The following ATXN3 variants were observed in gnomAD, a reference collection of about 807,000 sequenced individuals.
The protein encoded by ATXN3 is ataxin 3, also known as ataxin-3.
Under a neutral mutation model 58.2 loss-of-function variants are expected in ATXN3, and 28 were observed. The observed-to-expected ratio is 0.48, with a 90% CI of 0.36 to 0.66. ATXN3 has a LOEUF of 0.66. Ranked by LOEUF, ATXN3 falls within the 30% of genes least tolerant of loss-of-function variation. The pLI, the probability that ATXN3 is intolerant of heterozygous loss-of-function variation, is 0.00. For synonymous variants in ATXN3, 113 were observed against 138.5 expected, an observed-to-expected ratio of 0.82 and a Z score of 1.29; for missense variants, 321 against 422.1, an observed-to-expected ratio of 0.76 and a Z score of 2.10.
intron 6 of ATXN3, among the ~76,000 whole-genome samples, chr14:92,085,555 A>G (rs756452265): frequency 2.6e-5 from 4 of 152,184 alleles, no homozygotes; most frequent in Non-Finnish European, 5.9e-5. Flanking sequence ...AGGGTGGGAC[A>G]TAACAGGCCT....
chr14:92,091,706 CTTTT>C (rs5810572), intron 5 of ATXN3, among the ~76,000 whole-genome samples: 2 of 151,154 alleles, frequency 1.3e-5, no homozygotes, highest in Non-Finnish European at 2.9e-5. Context: ...TAATTTGAAA[CTTTT>C]TTTTTGAGAC....
At chr14:92,074,182 C>T (rs1157637105) in intron 9 of ATXN3, among the ~76,000 whole-genome samples, 1 of 151,788 alleles carries the variant, frequency 6.6e-6, no homozygotes, top group Non-Finnish European at 1.5e-5. Context: ...AGAAAATTGG[C>T]TGGGCACAGT....
intron 5 of ATXN3, among the ~76,000 whole-genome samples, chr14:92,090,164 G>T (rs1229314020): frequency 1.3e-5 from 2 of 152,162 alleles, no homozygotes; most frequent in East Asian, 3.8e-4. Flanking sequence ...GTGCAGTGGT[G>T]CAATCATAGC....
chr14:92,105,744 G>T (rs983823048), intron 1 of ATXN3, among the ~76,000 whole-genome samples: 8 of 152,286 alleles, frequency 5.3e-5, no homozygotes, highest in African/African-American at 1.7e-4. Flanking sequence ...ATCTTCAAGT[G>T]CATGGTCACG....
chr14:92,072,117 C>T (rs1254966347), intron 9 of ATXN3, among the ~76,000 whole-genome samples: 1 of 152,158 alleles, frequency 6.6e-6, no homozygotes, highest in African/African-American at 2.4e-5. Context: ...CATTAAGCTC[C>T]TCTGTAATTT....
At chr14:92,082,592 T>A in intron 7 of ATXN3, 126 bp from the exon 8 acceptor site, 1 of 902,108 alleles carries the variant, frequency 1.1e-6, no homozygotes, top group Non-Finnish European at 1.6e-6. Context: ...AAATAAGCTC[T>A]AGTAATATAA....
rs55976835 is a variant in ATXN3, at chr14:92,088,132, G to A, written c.475+598C>T. On this transcript the variant is annotated intron_variant, in intron 6 of 10. Coordinates refer to ENST00000644486, the MANE Select transcript of ATXN3 (RefSeq NM_004993.6). ...CGCCCAGGCTGGAGGGCAGTGGCGCGATCTCAGCTCACTGCAAGCTCCGCC... is the reference window on the plus strand; with the variant it reads ...CGCCCAGGCTGGAGGGCAGTGGCGCAATCTCAGCTCACTGCAAGCTCCGCC... 4.6e-5 allele frequency among the ~76,000 whole-genome samples: 7 copies of A among 151,514 alleles called. No individual in the cohort carries two copies. The South Asian group carries it at 6.2e-4, about 14-fold the overall frequency.
intron 9 of ATXN3, among the ~76,000 whole-genome samples, chr14:92,080,051 T>TA (rs948590614): frequency 3.0e-4 from 44 of 147,406 alleles, no homozygotes; most frequent in Non-Finnish European, 3.0e-4. Context: ...TATTTTTCTT[T>TA]AAAAAAAAAA....
chr14:92,095,899 G>A (rs1034559373), intron 3 of ATXN3, among the ~76,000 whole-genome samples, 194 bp downstream of exon 3: 8 of 151,766 alleles, frequency 5.3e-5, no homozygotes, highest in Non-Finnish European at 8.8e-5. Context: ...CCAAGATCAC[G>A]CCACTGCACT....
chr14:92,084,955 G>T (rs1353782136), intron 6 of ATXN3, among the ~76,000 whole-genome samples: 1 of 152,126 alleles, frequency 6.6e-6, no homozygotes, highest in African/African-American at 2.4e-5. Context: ...AAGATTATAA[G>T]AACTATTAAT....
intron 5 of ATXN3, among the ~76,000 whole-genome samples, chr14:92,089,330 CTCTTTTT>C (rs1305549122): frequency 0.29 from 37,647 of 129,170 alleles, 5,487 homozygotes; most frequent in East Asian, 0.4. Context: ...CTGCTAAATA[CTCTTTTT>C]TTTTTTTTTT....
intron 9 of ATXN3, chr14:92,079,271 T>C (rs939884533): frequency 6.4e-5 from 13 of 201,720 alleles, no homozygotes; most frequent in African/African-American, 3.1e-4. Flanking sequence ...CTAGTTTTTC[T>C]ACTTTTGTAT....
downstream of ATXN3, chr14:92,058,269 T>C (rs1376451683): frequency 6.6e-6 from 1 of 152,270 alleles, no homozygotes; most frequent in Non-Finnish European, 1.5e-5. Flanking sequence ...CAAGTTCTGA[T>C]TCAGTAGGTC....
chr14:92,102,971 T>G (rs56126302), intron 1 of ATXN3, among the ~76,000 whole-genome samples: 1,674 of 152,262 alleles, frequency 0.011, 43 homozygotes, highest in South Asian at 0.046. Flanking sequence ...ACAGAGTCAA[T>G]GCTCAGCATC....
chr14:92,101,982 G>A (rs1020490989), intron 1 of ATXN3, among the ~76,000 whole-genome samples: 2 of 151,914 alleles, frequency 1.3e-5, no homozygotes, highest in African/African-American at 2.4e-5. Flanking sequence ...GTGAAACCTC[G>A]TCTCTACTAA....
Position 92,082,433 on chromosome 14 carries a change from T to C in ATXN3, c.642A>G (p.Glu214=), listed in dbSNP as rs142148800. Reference sequence around the variant, plus strand: ...CTAACATTCCTGAGCCATCATTTGCTTCTAACACTCGTTCCAGGTCTGTTT... The same window carrying C: ...CTAACATTCCTGAGCCATCATTTGCCTCTAACACTCGTTCCAGGTCTGTTT... ...VHKTDLERVL[E]ANDGSGMLDE... The change falls in exon 8 of 11, where the codon GAA becomes GAG. Residue 214 remains glutamate (E), a synonymous_variant. Transcript: ENST00000644486. The C allele has an allele frequency of 3.7e-5, 59 of 1,614,162 alleles. No individual in the cohort carries two copies. The African/African-American group carries it at 7.3e-4, about 20-fold the overall frequency.
Position 92,070,879 on chromosome 14 carries a change from G to A in ATXN3, c.991+56C>T, listed in dbSNP as rs7158733. 1.1e-5 allele frequency: 17 copies of A among 1,613,302 alleles called. No individual in the cohort carries two copies. The Middle Eastern group carries it at 4.9e-4, about 47-fold the overall frequency. On this transcript the variant is annotated intron_variant, in intron 10 of 10. Coordinates refer to ENST00000644486, the MANE Select transcript of ATXN3 (RefSeq NM_004993.6). ...GTAAAGCAAAAATCACATGGAGCTC[G>A]TATGTCAGATAAAGTGTGAAGGTAG...
At chr14:92,104,997 T>A (rs2067908106) in intron 1 of ATXN3, among the ~76,000 whole-genome samples, 1 of 151,966 alleles carries the variant, frequency 6.6e-6, no homozygotes, top group Admixed American at 6.6e-5. Context: ...CTCTATTGTC[T>A]ATGATTTACG....
intron 1 of ATXN3, among the ~76,000 whole-genome samples, chr14:92,097,528 CTT>C (rs754237486): frequency 5.1e-5 from 7 of 138,138 alleles, no homozygotes; most frequent in Admixed American, 7.4e-5. Flanking sequence ...ACCTGGCCAA[CTT>C]TTTTTTTTTT....
Sources: allele counts gnomAD v4.1 joint callset (sites outside exome capture counted in the v4.1 genomes callset), GRCh38; gene constraint gnomAD v4.1.1; transcripts MANE v1.5; gene names NCBI Gene and HGNC (gene_info 2026-07-23, HGNC 2026-07-21).